The following NOL4L variants were observed in gnomAD, a reference collection of about 807,000 sequenced individuals.
NOL4L encodes the protein nucleolar protein 4-like.
Under a neutral mutation model 64.5 loss-of-function variants are expected in NOL4L, and 7 were observed. The ratio of observed to expected loss-of-function variants is 0.11; its 90% CI spans 0.06 to 0.20. The LOEUF (loss-of-function observed/expected upper bound fraction) is 0.20, where lower values mean the gene tolerates loss of function less well. NOL4L is among the 10% of genes least tolerant of loss of function. NOL4L has a pLI of 1.00. For synonymous variants in NOL4L, 413 were observed against 401.0 expected, an observed-to-expected ratio of 1.03 and a Z score of -0.36; for missense variants, 680 against 967.1, an observed-to-expected ratio of 0.70 and a Z score of 3.94.
At chr20:32,490,159 ATATATATG>A (rs2016410361) in intron 4 of NOL4L, among the ~76,000 whole-genome samples, 1 of 147,224 alleles carries the variant, frequency 6.8e-6, no homozygotes, top group Non-Finnish European at 1.5e-5. Context: ...ATATACACAT[ATATATATG>A]TATATACACA....
rs1234923305 is a variant in NOL4L at position 32,447,443 on chromosome 20, C to T, written c.*153G>A. ...AAAAAAAAAAAAGTGTCCTTGTGCC[C>T]AAAGTCTCAGGTGCTTGGAGTGTGG... is the stretch of plus-strand genomic sequence containing the variant. On this transcript the variant is annotated 3_prime_UTR_variant, in exon 11 of 11. Transcript: ENST00000621426. 29 of 674,168 alleles carry T rather than the reference C, an allele frequency of 4.3e-5. No homozygotes were observed. Among genetic ancestry groups the T allele is most frequent in the Non-Finnish European group, 6.6e-5 (29 of 436,172 alleles). 41.8% of individuals were successfully genotyped at this position (674,168 alleles called of 1,614,324 possible). A position where few individuals can be genotyped will look rare whatever the true frequency, so the allele number is the denominator to read the frequency against.
chr20:32,496,932 T>G (rs1288323068), intron 4 of NOL4L, among the ~76,000 whole-genome samples: 1 of 151,916 alleles, frequency 6.6e-6, no homozygotes, highest in Non-Finnish European at 1.5e-5. Context: ...AGCTGTGCTG[T>G]GTGCCTCTCA....
intron 4 of NOL4L, among the ~76,000 whole-genome samples, chr20:32,500,216 T>C (rs891360833): frequency 1.3e-5 from 2 of 152,340 alleles, no homozygotes; most frequent in African/African-American, 4.8e-5. Context: ...ATCTTGTTTT[T>C]TTGTTTTGTT....
chr20:32,463,252 A>C lies in NOL4L; in HGVS notation c.842-6857T>G, dbSNP rs1193122594. 6.6e-6 allele frequency among the ~76,000 whole-genome samples: 1 copy of C among 152,170 alleles called. No individual in the cohort carries two copies. Among genetic ancestry groups the C allele is most frequent in the Admixed American group, 6.5e-5 (1 of 15,288 alleles). ...TGGACCCTCCACACCTGGAGCTGGA[A>C]GTGGAACCTAAGGGTGCCCAGGTGA... On this transcript the variant is annotated intron_variant, in intron 5 of 10. Coordinates refer to ENST00000621426, the MANE Select transcript of NOL4L (RefSeq NM_001256798.2). The surrounding 1 kb of genome is among the most constrained non-coding windows in gnomAD (Gnocchi z 5.8).
chr20:32,487,763 T>C (rs1368868411), intron 4 of NOL4L, among the ~76,000 whole-genome samples: 1 of 151,964 alleles, frequency 6.6e-6, no homozygotes, highest in African/African-American at 2.4e-5. Flanking sequence ...GGAGCAGAAG[T>C]GATGACAGGG....
chr20:32,556,738 C>T lies in NOL4L; in HGVS notation c.321+27832G>A, dbSNP rs991797949. On this transcript the variant is annotated intron_variant, in intron 1 of 10. Transcript: ENST00000621426. ...CCTCCATTCATTCCACTGGGCAGGT[C>T]GGGTCTGAGCCGAGGTGGGCCTGGC... is the stretch of plus-strand genomic sequence containing the variant. 2.6e-5 allele frequency among the ~76,000 whole-genome samples: 4 copies of T among 152,296 alleles called. No individual in the cohort carries two copies. The East Asian group carries it at 5.8e-4, about 22-fold the overall frequency.
intron 4 of NOL4L, among the ~76,000 whole-genome samples, chr20:32,503,751 C>T (rs2017017783): frequency 6.6e-6 from 1 of 152,212 alleles, no homozygotes; most frequent in Non-Finnish European, 1.5e-5. Context: ...CAGCCCTCCT[C>T]ACCTCCCCAA....
intron 3 of NOL4L, among the ~76,000 whole-genome samples, chr20:32,516,574 G>T (rs1356365073): frequency 6.6e-6 from 1 of 152,176 alleles, no homozygotes; most frequent in Non-Finnish European, 1.5e-5. Flanking sequence ...CTTAGCACCT[G>T]CTTAGGGCTC....
chr20:32,505,165 G>A (rs987388623), intron 4 of NOL4L, among the ~76,000 whole-genome samples: 1 of 152,198 alleles, frequency 6.6e-6, no homozygotes, highest in Non-Finnish European at 1.5e-5. Context: ...GTTTGAGTAA[G>A]TGACAGTCTC....
intron 10 of NOL4L, chr20:32,451,535 TCTC>T (rs1568590414): frequency 6.6e-6 from 1 of 152,402 alleles, no homozygotes; most frequent in East Asian, 1.9e-4. Flanking sequence ...TCGGGGGCTG[TCTC>T]CTCTAATGGT....
chr20:32,469,883 G>A (rs1459623054), intron 5 of NOL4L, among the ~76,000 whole-genome samples: 1 of 152,236 alleles, frequency 6.6e-6, no homozygotes, highest in East Asian at 1.9e-4. Context: ...GCCAACGCTG[G>A]TGTGACTAAA....
intron 4 of NOL4L, among the ~76,000 whole-genome samples, chr20:32,500,675 T>C (rs886175796): frequency 3.3e-5 from 5 of 151,728 alleles, no homozygotes; most frequent in South Asian, 2.1e-4. Flanking sequence ...GATTCCAGGA[T>C]TGGGGCAGGA....
At chr20:32,561,502 T>TG (rs1979016080) in intron 1 of NOL4L, among the ~76,000 whole-genome samples, 1 of 152,122 alleles carries the variant, frequency 6.6e-6, no homozygotes, top group Non-Finnish European at 1.5e-5. Flanking sequence ...GCTGGGCCTC[T>TG]GGGGGGCCCA....
chr20:32,478,273 A>ACACACACACACACACACTCT (rs1373957221), intron 4 of NOL4L, among the ~76,000 whole-genome samples: 1 of 143,332 alleles, frequency 7.0e-6, no homozygotes, highest in African/African-American at 2.6e-5. Context: ...ACACACACAC[A>ACACACACACACACACACTCT]CTCTCTCTCT....
chr20:32,453,269 C>T lies in NOL4L; in HGVS notation c.1497+35G>A, dbSNP rs376606821. The stretch of plus-strand genomic sequence containing the variant: ...TGTGGCAGGAGGTCAGTAGTGGCAC[C>T]GAGGGAAAGTGTGGGCCAGGCAGGG... On this transcript the variant is annotated intron_variant, in intron 8 of 10. Transcript: ENST00000621426. This position sits in a 1 kb window ranked among gnomAD's most constrained non-coding sequence, Gnocchi z 5.6. 16 of 1,599,560 alleles carry T rather than the reference C, an allele frequency of 1.0e-5. No individual in the cohort carries two copies. Among genetic ancestry groups the T allele is most frequent in the South Asian group, 4.5e-5 (4 of 89,104 alleles).
intron 4 of NOL4L, among the ~76,000 whole-genome samples, chr20:32,488,871 CTTTCTTTCTTT>C (rs2016321443): frequency 7.1e-5 from 6 of 83,996 alleles, no homozygotes; most frequent in Admixed American, 1.3e-4. Context: ...TTCTTTCTTT[CTTTCTTTCTTT>C]CTTTCTTTCT....
At chr20:32,569,528 C>T (rs1475498288) in intron 1 of NOL4L, among the ~76,000 whole-genome samples, 3 of 152,098 alleles carry the variant, frequency 2.0e-5, no homozygotes, top group Admixed American at 6.5e-5. Context: ...CTTGCACTCC[C>T]GCACTCCCTA....
At position 32,447,030 on chromosome 20, in the gene NOL4L, G is replaced by C; in HGVS notation, c.*566C>G. On this transcript the variant is annotated 3_prime_UTR_variant, in exon 11 of 11. Transcript: ENST00000621426. ...CAGAGGAACAGCCAGCCTGGCACCT[G>C]TCCTGCCCCTACTGGCCCCAGCCCA... The C allele has an allele frequency of 2.9e-6, 1 of 343,712 alleles. No homozygotes were observed. The highest frequency in any genetic ancestry group is 5.7e-6 in the Non-Finnish European group (1 of 176,922). The allele number at this position is 343,712 out of a possible 1,614,324, so 21.3% of individuals were successfully genotyped here.
Position 32,453,142 on chromosome 20 carries a change from T to A in NOL4L, c.1498-136A>T. 1 of 1,425,614 alleles carries A rather than the reference T, an allele frequency of 7.0e-7. No homozygotes were observed. Among genetic ancestry groups the A allele is most frequent in the East Asian group, 2.3e-5 (1 of 43,248 alleles). The allele number at this position is 1,425,614 out of a possible 1,614,324, so 88.3% of individuals were successfully genotyped here. A position where few individuals can be genotyped will look rare whatever the true frequency, so the allele number is the denominator to read the frequency against. The stretch of plus-strand genomic sequence containing the variant: ...CCTCAGTCTATGGAGCTGTGTGATC[T>A]TTCTGGGCCTTAGTTCCCTCATTTG... On this transcript the variant is annotated intron_variant, in intron 8 of 10. Transcript: ENST00000621426. This position sits in a 1 kb window ranked among gnomAD's most constrained non-coding sequence, Gnocchi z 5.6.
Sources: allele counts gnomAD v4.1 joint callset (sites outside exome capture counted in the v4.1 genomes callset), GRCh38; gene constraint gnomAD v4.1.1; non-coding constraint Gnocchi (gnomAD v3.1); transcripts MANE v1.5; gene names NCBI Gene and HGNC (gene_info 2026-07-23, HGNC 2026-07-21).